STON2: variants seen among roughly 807,000 people sequenced by gnomAD.
STON2 encodes stonin-2.
Under a neutral mutation model 65.7 loss-of-function variants are expected in STON2, and 29 were observed. The observed-to-expected ratio is 0.44, with a 90% CI of 0.33 to 0.60. The LOEUF (loss-of-function observed/expected upper bound fraction) is 0.60, where lower values mean the gene tolerates loss of function less well. Among genes scored for constraint, STON2 ranks in the 20% least tolerant of loss-of-function variants. The pLI is 0.03. For missense variants in STON2, 1,054 were observed against 1,118.1 expected (o/e 0.94, Z 0.82); for synonymous variants, 404 against 414.2 (o/e 0.98, Z 0.30).
At chr14:81,406,669 A>G (rs1163096539) in intron 2 of STON2, among the ~76,000 whole-genome samples, 2 of 152,196 alleles carry the variant, frequency 1.3e-5, no homozygotes, top group Non-Finnish European at 2.9e-5. Flanking sequence ...TTGAGATGTT[A>G]ATAAGACGTT....
intron 5 of STON2, among the ~76,000 whole-genome samples, chr14:81,319,541 G>C (rs764975651): frequency 6.6e-6 from 1 of 152,208 alleles, no homozygotes; most frequent in Non-Finnish European, 1.5e-5. Flanking sequence ...TTTGCAGCTA[G>C]AAGTCTATCA....
chr14:81,265,143 T>G lies in STON2; in HGVS notation c.*3271A>C. ...GTAGAATCTGCATATCCACAGGTAA[T>G]TTGCCCAACTGTTTTCTATGTAGGT... On this transcript the variant is annotated 3_prime_UTR_variant, in exon 8 of 8. Coordinates refer to ENST00000614646, the MANE Select transcript of STON2 (RefSeq NM_001394390.1). 1.0e-6 allele frequency: 1 copy of G among 985,232 alleles called. No individual in the cohort carries two copies. Among genetic ancestry groups the G allele is most frequent in the Non-Finnish European group, 1.2e-6 (1 of 829,902 alleles). The allele number at this position is 985,232 out of a possible 1,614,324, so 61.0% of individuals were successfully genotyped here.
At chr14:81,347,361 C>G (rs1429569262) in intron 4 of STON2, among the ~76,000 whole-genome samples, 1 of 151,864 alleles carries the variant, frequency 6.6e-6, no homozygotes, top group Non-Finnish European at 1.5e-5. Context: ...ATAAAACCTA[C>G]CAATAGTGAA....
At chr14:81,342,760 G>C (rs12589011) in intron 4 of STON2, among the ~76,000 whole-genome samples, 4,248 of 151,806 alleles carry the variant, frequency 0.028, 185 homozygotes, top group East Asian at 0.16. Context: ...CATGAACCAT[G>C]GTCTAGAAGG....
At chr14:81,315,452 A>T (rs1477823796) in intron 5 of STON2, among the ~76,000 whole-genome samples, 1 of 152,222 alleles carries the variant, frequency 6.6e-6, no homozygotes, top group Non-Finnish European at 1.5e-5. Context: ...AACATCATAA[A>T]AAAAACAGTG....
At chr14:81,394,825 C>G (rs952062769) in intron 3 of STON2, 4 of 152,224 alleles carry the variant, frequency 2.6e-5, no homozygotes, top group African/African-American at 9.7e-5. Flanking sequence ...ACAGCCCTGC[C>G]AACACCTTGA....
intron 2 of STON2, among the ~76,000 whole-genome samples, chr14:81,411,710 C>T (rs1357548415): frequency 1.3e-5 from 2 of 152,122 alleles, no homozygotes; most frequent in African/African-American, 4.8e-5. Flanking sequence ...GAGTGAAACT[C>T]CGCCTAAAAA....
chr14:81,368,150 G>C (rs1195058948), intron 4 of STON2, among the ~76,000 whole-genome samples: 2 of 152,108 alleles, frequency 1.3e-5, no homozygotes, highest in African/African-American at 2.4e-5. Context: ...TGGAAGGTCT[G>C]GGGGGTAACA....
At chr14:81,313,810 T>TAC (rs10527861) in intron 5 of STON2, among the ~76,000 whole-genome samples, 6,342 of 139,730 alleles carry the variant, frequency 0.045, 193 homozygotes, top group East Asian at 0.16. Context: ...AAAAAAAAAA[T>TAC]ACACACACAC....
chr14:81,342,905 G>T (rs1191395844), intron 4 of STON2, among the ~76,000 whole-genome samples: 1 of 152,122 alleles, frequency 6.6e-6, no homozygotes, highest in Non-Finnish European at 1.5e-5. Context: ...AGAGAAATCC[G>T]CACTGGAAAT....
Position 81,266,477 on chromosome 14 carries a change from C to T in STON2, c.*1937G>A, listed in dbSNP as rs1485916744. ...GTCTGCACTCCCTTTCCAGCTATAC[C>T]TTCTGTTCCTTCAGGGAAGCTACTC... On this transcript the variant is annotated 3_prime_UTR_variant, in exon 8 of 8. Coordinates refer to ENST00000614646, the MANE Select transcript of STON2 (RefSeq NM_001394390.1). 3.6e-5 allele frequency: 6 copies of T among 166,116 alleles called. No individual in the cohort carries two copies. The highest frequency in any genetic ancestry group is 1.9e-4 in the East Asian group (1 of 5,256). The allele number at this position is 166,116 out of a possible 1,614,324, so 10.3% of individuals were successfully genotyped here.
At chr14:81,282,746 T>C (rs1566888068) in intron 5 of STON2, among the ~76,000 whole-genome samples, 1 of 152,184 alleles carries the variant, frequency 6.6e-6, no homozygotes, top group East Asian at 1.9e-4. Context: ...CTCTTTATTA[T>C]TACTACTAAT....
intron 3 of STON2, among the ~76,000 whole-genome samples, chr14:81,383,610 T>C (rs1349041177): frequency 1.3e-5 from 2 of 152,132 alleles, no homozygotes; most frequent in Non-Finnish European, 2.9e-5. Flanking sequence ...TCAAAATACA[T>C]CTGGAATCCA....
At chr14:81,271,139 G>T (rs1894574655) in intron 6 of STON2, among the ~76,000 whole-genome samples, 1 of 152,072 alleles carries the variant, frequency 6.6e-6, no homozygotes, top group South Asian at 2.1e-4. Context: ...GGGCCATCCT[G>T]CCTGCTCAAG....
chr14:81,294,102 G>A (rs576720947), intron 5 of STON2, among the ~76,000 whole-genome samples: 12 of 152,274 alleles, frequency 7.9e-5, no homozygotes, highest in Non-Finnish European at 1.5e-4. Context: ...AGCCAGACAA[G>A]AGATAGATGA....
chr14:81,337,178 T>C (rs1240620284), intron 4 of STON2, among the ~76,000 whole-genome samples: 2 of 152,220 alleles, frequency 1.3e-5, no homozygotes, highest in African/African-American at 4.8e-5. Flanking sequence ...CTCTTCACTA[T>C]TGACCTTTGT....
At chr14:81,302,646 AGG>A (rs1896010966) in intron 5 of STON2, among the ~76,000 whole-genome samples, 1 of 152,230 alleles carries the variant, frequency 6.6e-6, no homozygotes, top group Non-Finnish European at 1.5e-5. Flanking sequence ...ACTGATACAG[AGG>A]GTGTTTACAT....
chr14:81,357,887 G>T (rs1376333162), intron 4 of STON2, among the ~76,000 whole-genome samples: 1 of 122,334 alleles, frequency 8.2e-6, no homozygotes, highest in Non-Finnish European at 1.6e-5. Flanking sequence ...GGGAACTGTT[G>T]TGGGGTGGGG....
chr14:81,410,278 CAAAAAAAAAAAAAAAA>C (rs1161157573), intron 2 of STON2, among the ~76,000 whole-genome samples: 3 of 45,798 alleles, frequency 6.6e-5, no homozygotes, highest in Admixed American at 6.3e-4. Flanking sequence ...TAACTCTAAC[CAAAAAAAAAAAAAAAA>C]AAAAAAAAAA....
Sources: gnomAD v4.1 joint callset for allele counts (sites outside exome capture counted in the v4.1 genomes callset) on GRCh38, gnomAD v4.1.1 for gene constraint, MANE v1.5 for transcripts, NCBI Gene and HGNC (gene_info 2026-07-23, HGNC 2026-07-21) for gene names.